The following CERS3 variants were observed in gnomAD, a reference collection of about 807,000 sequenced individuals.
CERS3 encodes ceramide synthase 3.
A neutral mutation model predicts 50.3 loss-of-function variants in CERS3; 33 were observed. The observed-to-expected ratio is 0.66, with a 90% confidence interval of 0.50 to 0.88. The LOEUF (loss-of-function observed/expected upper bound fraction) is 0.88. Among genes scored for constraint, CERS3 ranks in the 40% least tolerant of loss-of-function variants. The probability of loss-of-function intolerance (pLI) is 0.00; values close to 1 mark genes in which losing one functional copy is unlikely to be tolerated. For synonymous variants in CERS3, 176 were observed against 155.2 expected (o/e 1.13, Z -0.99); for missense variants, 470 against 460.3 (o/e 1.02, Z -0.19).
At chr15:100,409,114 C>G (rs1170212477) in intron 11 of CERS3, among the ~76,000 whole-genome samples, 1 of 152,172 alleles carries the variant, frequency 6.6e-6, no homozygotes, top group Non-Finnish European at 1.5e-5. Flanking sequence ...GTTGGCTCTT[C>G]GTATAAGAAA....
intron 11 of CERS3, among the ~76,000 whole-genome samples, chr15:100,407,557 T>C (rs540103476): frequency 2.8e-4 from 43 of 152,364 alleles, no homozygotes; most frequent in African/African-American, 1.0e-3. Flanking sequence ...TTTTGCATGG[T>C]TTTAATATAT....
At chr15:100,414,472 A>C (rs1334710882) in intron 11 of CERS3, among the ~76,000 whole-genome samples, 1 of 152,172 alleles carries the variant, frequency 6.6e-6, no homozygotes, top group Non-Finnish European at 1.5e-5. Context: ...TATAGCCAAG[A>C]CAATCCTAAG....
chr15:100,507,888 G>A (rs1355793593), intron 2 of CERS3, among the ~76,000 whole-genome samples: 1 of 152,240 alleles, frequency 6.6e-6, no homozygotes, highest in East Asian at 1.9e-4. Flanking sequence ...CAGCTTCTTG[G>A]CTTTCCTGAT....
intron 10 of CERS3, among the ~76,000 whole-genome samples, chr15:100,466,841 C>CTCTCTCTCTCTCTCTT (rs1186736224): frequency 1.1e-4 from 1 of 8,776 alleles, no homozygotes; most frequent in East Asian, 0.014. Flanking sequence ...CCCTCTCTCC[C>CTCTCTCTCTCTCTCTT]TCTCTCTTTC....
At chr15:100,421,625 A>G (rs1328097146) in intron 11 of CERS3, among the ~76,000 whole-genome samples, 21 of 149,780 alleles carry the variant, frequency 1.4e-4, no homozygotes, top group East Asian at 1.4e-3. Context: ...CGCATCGCCA[A>G]GTCAATCCTA....
chr15:100,460,239 A>C (rs2142208494), intron 10 of CERS3, among the ~76,000 whole-genome samples: 1 of 152,280 alleles, frequency 6.6e-6, no homozygotes, highest in East Asian at 1.9e-4. Context: ...CTTAGATACC[A>C]TGTCACTTAT....
At chr15:100,425,679 T>A (rs1398845226) in intron 11 of CERS3, among the ~76,000 whole-genome samples, 1 of 152,214 alleles carries the variant, frequency 6.6e-6, no homozygotes, top group Non-Finnish European at 1.5e-5. Context: ...TTTGGACTTT[T>A]GAGTTAATGC....
intron 4 of CERS3, among the ~76,000 whole-genome samples, chr15:100,489,055 G>A (rs1003111674): frequency 5.9e-5 from 9 of 152,304 alleles, no homozygotes; most frequent in South Asian, 2.1e-4. Context: ...GATTACAGGC[G>A]TAAGCCACTG....
chr15:100,470,750 C>T (rs911762796), intron 9 of CERS3, among the ~76,000 whole-genome samples: 24 of 152,124 alleles, frequency 1.6e-4, no homozygotes, highest in Admixed American at 1.3e-3. Context: ...GTCCTGGATC[C>T]AAACTTGACC....
At chr15:100,421,022 C>A (rs1265986629) in intron 11 of CERS3, among the ~76,000 whole-genome samples, 15 of 143,952 alleles carry the variant, frequency 1.0e-4, no homozygotes. Flanking sequence ...AAAACTGGCA[C>A]AAGACAGGGA....
intron 4 of CERS3, among the ~76,000 whole-genome samples, chr15:100,486,239 C>A (rs1257856166): frequency 6.6e-6 from 1 of 152,216 alleles, no homozygotes; most frequent in Admixed American, 6.5e-5. Flanking sequence ...AGCCGGATAG[C>A]TTCTGCTAGA....
At chr15:100,435,680 A>G (rs570128484) in intron 11 of CERS3, among the ~76,000 whole-genome samples, 1 of 152,372 alleles carries the variant, frequency 6.6e-6, no homozygotes, top group East Asian at 1.9e-4. Flanking sequence ...ATCAGAGTGA[A>G]CAGGCCACCT....
chr15:100,518,204 A>C (rs2036545130), intron 2 of CERS3, among the ~76,000 whole-genome samples: 2 of 152,216 alleles, frequency 1.3e-5, no homozygotes, highest in Admixed American at 1.3e-4. Flanking sequence ...TTTTAAATAG[A>C]TAGGGGGTGA....
intron 2 of CERS3, among the ~76,000 whole-genome samples, chr15:100,504,251 T>C (rs1206222614): frequency 6.7e-6 from 1 of 149,766 alleles, no homozygotes; most frequent in Non-Finnish European, 1.5e-5. Flanking sequence ...TTTTTTTTTT[T>C]TTTTTTTTTG....
chr15:100,447,521 G>A (rs2033988833), intron 11 of CERS3, among the ~76,000 whole-genome samples: 1 of 152,136 alleles, frequency 6.6e-6, no homozygotes, highest in African/African-American at 2.4e-5. Flanking sequence ...TGGGCCACTG[G>A]TCATTCGTAT....
rs749210730 is a variant in CERS3, at chr15:100,479,488, GA to G, written c.466-11del. On this transcript the variant is annotated splice_polypyrimidine_tract_variant and intron_variant, in intron 6 of 11. Coordinates refer to ENST00000679737, the MANE Select transcript of CERS3 (RefSeq NM_001378789.1). Reference sequence around the variant, plus strand: ...CATATAGCCAAGGTTTCTGAAAGAAGAAAAAAAAAAAGAGCCAACAGATGAG... The same window carrying G: ...CATATAGCCAAGGTTTCTGAAAGAAGAAAAAAAAAAGAGCCAACAGATGAG... The G allele has an allele frequency of 0.021, 22,499 of 1,079,938 alleles. No homozygotes were observed. The highest frequency in any genetic ancestry group is 0.038 in the South Asian group (1,997 of 52,716). 66.9% of individuals were successfully genotyped at this position (1,079,938 alleles called of 1,614,324 possible). A position where few individuals can be genotyped will look rare whatever the true frequency, so the allele number is the denominator to read the frequency against.
chr15:100,435,734 G>T (rs1323346350), intron 11 of CERS3, among the ~76,000 whole-genome samples: 1 of 152,084 alleles, frequency 6.6e-6, no homozygotes, highest in Non-Finnish European at 1.5e-5. Context: ...TCTGACAAAG[G>T]TCTAATATCC....
intron 3 of CERS3, among the ~76,000 whole-genome samples, chr15:100,495,032 G>C (rs1179579793): frequency 1.3e-5 from 2 of 152,182 alleles, no homozygotes; most frequent in Non-Finnish European, 2.9e-5. Flanking sequence ...AATTGTTTTA[G>C]ACAAACACCC....
At chr15:100,515,541 G>C (rs4965313) in intron 2 of CERS3, among the ~76,000 whole-genome samples, 96,255 of 152,012 alleles carry the variant, frequency 0.63, 30,684 homozygotes, top group Admixed American at 0.73. Flanking sequence ...GGTAAGTGAG[G>C]CAGGAAGTTG....
Sources: allele counts gnomAD v4.1 joint callset (sites outside exome capture counted in the v4.1 genomes callset), GRCh38; gene constraint gnomAD v4.1.1; transcripts MANE v1.5; gene names NCBI Gene and HGNC (gene_info 2026-07-23, HGNC 2026-07-21).